DMD: variants seen among roughly 807,000 people sequenced by gnomAD.
DMD encodes the protein mutant dystrophin.
DMD carries 63 observed loss-of-function variants against 330.1 expected under a neutral mutation model. The ratio of observed to expected loss-of-function variants is 0.19; its 90% confidence interval spans 0.16 to 0.24. DMD has a LOEUF of 0.24. DMD is among the 10% of genes least tolerant of loss of function. DMD has a pLI of 1.00. For synonymous variants in DMD, 1,223 were observed against 959.8 expected, an observed-to-expected ratio of 1.27 and a Z score of -5.07; for missense variants, 3,344 against 2,684.1, an observed-to-expected ratio of 1.25 and a Z score of -5.43.
intron 2 of DMD, among the ~76,000 whole-genome samples, chrX:33,010,346 A>G (rs575202856): frequency 1.8e-4 from 19 of 105,011 alleles, no homozygotes; most frequent in African/African-American, 5.9e-4. Flanking sequence ...GTACATATAT[A>G]TGTGTGTATG....
At position 31,341,882 on chromosome X, in the gene DMD, T is replaced by TGCGCGC. The variant is rs764854573; in HGVS notation, c.9163+6668_9163+6673dup. ...CTGTGATCTGGCGTGCGCGCGTGCGTGCGCGCGCGCACACACACACACACA... is the reference window on the plus strand; with the variant it reads ...CTGTGATCTGGCGTGCGCGCGTGCGTGCGCGCGCGCGCGCGCACACACACACACACA... On this transcript the variant is annotated intron_variant, in intron 61 of 78. Transcript: ENST00000357033. Among the ~76,000 whole-genome samples, 22 of 82,706 alleles carry TGCGCGC rather than the reference T, an allele frequency of 2.7e-4. 1 individual carries two copies. The highest frequency in any genetic ancestry group is 8.8e-4 in the African/African-American group (17 of 19,351). The allele number at this position is 82,706 out of a possible 115,157, so 71.8% of individuals were successfully genotyped here.
At chrX:33,058,130 T>C (rs1050785937) in intron 1 of DMD, among the ~76,000 whole-genome samples, 2 of 111,991 alleles carry the variant, frequency 1.8e-5, no homozygotes, top group African/African-American at 6.5e-5. Flanking sequence ...TCCGCCCTCC[T>C]GGGCCTCCCA....
At chrX:31,797,537 T>TA (rs1048803510) in intron 50 of DMD, among the ~76,000 whole-genome samples, 1 of 111,953 alleles carries the variant, frequency 8.9e-6, no homozygotes, top group African/African-American at 3.2e-5. Flanking sequence ...TGATGCAATT[T>TA]AAAAAACAAT....
intron 41 of DMD, among the ~76,000 whole-genome samples, chrX:32,312,810 AAC>A (rs1225274397): frequency 9.3e-6 from 1 of 107,010 alleles, no homozygotes; most frequent in Non-Finnish European, 1.9e-5. Context: ...TACGCAAATA[AAC>A]TAGAAAATCT....
chrX:32,295,792 A>G (rs1337652332), intron 42 of DMD, among the ~76,000 whole-genome samples: 1 of 111,928 alleles, frequency 8.9e-6, no homozygotes, highest in Non-Finnish European at 1.9e-5. Context: ...ATAGACTTCT[A>G]CTGTTTAGTT....
intron 1 of DMD, among the ~76,000 whole-genome samples, chrX:33,296,154 C>A (rs1171915897): frequency 1.8e-5 from 2 of 111,036 alleles, no homozygotes; most frequent in African/African-American, 6.5e-5. Context: ...GCTTTATTGG[C>A]TTTTCTCCTA....
At chrX:31,668,356 T>A (rs2081548358) in intron 53 of DMD, among the ~76,000 whole-genome samples, 1 of 111,308 alleles carries the variant, frequency 9.0e-6, no homozygotes, top group South Asian at 3.7e-4. Flanking sequence ...TATTCCTACA[T>A]TTTCTTAGAA....
At chrX:32,629,495 G>C (rs1347625045) in intron 11 of DMD, among the ~76,000 whole-genome samples, 1 of 110,827 alleles carries the variant, frequency 9.0e-6, no homozygotes, top group African/African-American at 3.3e-5. Context: ...ATTTAGATTG[G>C]ATAGTTTAGT....
chrX:31,632,982 A>G (rs2079212281), intron 54 of DMD, among the ~76,000 whole-genome samples: 2 of 111,789 alleles, frequency 1.8e-5, no homozygotes, highest in Admixed American at 1.9e-4. Context: ...TCCTAGCAAA[A>G]CCAACTCTGT....
intron 62 of DMD, among the ~76,000 whole-genome samples, chrX:31,282,002 G>A (rs1025178451): frequency 9.0e-6 from 1 of 111,691 alleles, no homozygotes; most frequent in African/African-American, 3.3e-5. Flanking sequence ...AGAGTCATGC[G>A]ACAGCAGTGG....
At chrX:31,762,254 G>A (rs987968285) in intron 51 of DMD, among the ~76,000 whole-genome samples, 1 of 111,937 alleles carries the variant, frequency 8.9e-6, no homozygotes, top group Non-Finnish European at 1.9e-5. Flanking sequence ...CCTGGAGGCA[G>A]AGTAGCCATG....
chrX:31,694,838 C>T (rs755187388), intron 52 of DMD, among the ~76,000 whole-genome samples: 3 of 108,078 alleles, frequency 2.8e-5, no homozygotes, highest in African/African-American at 6.7e-5. Context: ...GAATTAGTAA[C>T]GGCCTCCATA....
chrX:31,492,642 T>C (rs748319996), intron 57 of DMD, among the ~76,000 whole-genome samples: 1 of 111,627 alleles, frequency 9.0e-6, no homozygotes, highest in Non-Finnish European at 1.9e-5. Context: ...CCATCAATGA[T>C]ATACTGGATT....
rs915194800 is a variant in DMD, at chrX:32,050,877, T to A, written c.6439-82363A>T. ...AAAATAGTGTAAAATAACGTACCTATAGTCTTCTCTGGCACATCTTTATAT... is the reference window on the plus strand; with the variant it reads ...AAAATAGTGTAAAATAACGTACCTAAAGTCTTCTCTGGCACATCTTTATAT... On this transcript the variant is annotated intron_variant, in intron 44 of 78. Coordinates refer to ENST00000357033, the MANE Select transcript of DMD (RefSeq NM_004006.3). Among the ~76,000 whole-genome samples, 5 of 110,925 alleles carry A rather than the reference T, an allele frequency of 4.5e-5. No individual in the cohort carries two copies. The Admixed American group carries it at 4.8e-4, about 11-fold the overall frequency.
Position 31,454,951 on chromosome X carries a change from CTTT to C in DMD, c.8938-10327_8938-10325del, listed in dbSNP as rs61091457. ...ATTTTTAAGTTAGTTTTTTCTTTTT[CTTT>C]TTTTTTTTTTTTTTTGCGAGATGGG... On this transcript the variant is annotated intron_variant, in intron 59 of 78. Coordinates refer to ENST00000357033, the MANE Select transcript of DMD (RefSeq NM_004006.3). 2.2e-3 allele frequency among the ~76,000 whole-genome samples: 179 copies of C among 80,150 alleles called. 1 individual carries two copies. The highest frequency in any genetic ancestry group is 8.4e-3 in the African/African-American group (167 of 19,813). The allele number at this position is 80,150 out of a possible 115,157, so 69.6% of individuals were successfully genotyped here. A position where few individuals can be genotyped will look rare whatever the true frequency, so the allele number is the denominator to read the frequency against.
chrX:32,141,934 A>G (rs2096755689), intron 44 of DMD, among the ~76,000 whole-genome samples: 1 of 111,760 alleles, frequency 8.9e-6, no homozygotes, highest in African/African-American at 3.3e-5. Context: ...TCTTTTTTCT[A>G]CAAATAGACA....
At chrX:32,793,840 T>C (rs1258383633) in intron 7 of DMD, among the ~76,000 whole-genome samples, 5 of 111,295 alleles carry the variant, frequency 4.5e-5, no homozygotes, top group African/African-American at 1.6e-4. Context: ...CCAATTCTCC[T>C]GTAAGTGTTC....
intron 25 of DMD, among the ~76,000 whole-genome samples, chrX:32,461,241 A>G (rs1053258579): frequency 1.8e-5 from 2 of 111,684 alleles, no homozygotes; most frequent in African/African-American, 6.5e-5. Flanking sequence ...TTTACACTTC[A>G]TTTCCATTAT....
chrX:32,120,318 A>C (rs970292990), intron 44 of DMD, among the ~76,000 whole-genome samples: 12 of 111,996 alleles, frequency 1.1e-4, no homozygotes, highest in African/African-American at 3.9e-4. Context: ...TAGAAATGCA[A>C]ATTCTGGACC....
Sources: allele counts gnomAD v4.1 joint callset (sites outside exome capture counted in the v4.1 genomes callset), GRCh38; gene constraint gnomAD v4.1.1; transcripts MANE v1.5; gene names NCBI Gene and HGNC (gene_info 2026-07-23, HGNC 2026-07-21).